Variants in PHF20L1 observed in about 807,000 individuals in gnomAD.
The protein encoded by PHF20L1 is PHD finger protein 20-like protein 1.
Under a neutral mutation model 125.5 loss-of-function variants are expected in PHF20L1, and 44 were observed. The ratio of observed to expected loss-of-function variants is 0.35; its 90% confidence interval spans 0.28 to 0.45. PHF20L1 has a LOEUF of 0.45. Ranked by LOEUF, PHF20L1 falls within the 20% of genes least tolerant of loss-of-function variation. PHF20L1 has a pLI of 1.00. For missense variants in PHF20L1, 1,012 were observed against 1,217.2 expected (o/e 0.83, Z 2.51); for synonymous variants, 380 against 403.1 (o/e 0.94, Z 0.69).
At chr8:132,835,872 A>C (rs1837301632) in intron 15 of PHF20L1, among the ~76,000 whole-genome samples, 1 of 152,138 alleles carries the variant, frequency 6.6e-6, no homozygotes, top group African/African-American at 2.4e-5. Context: ...TAAGTGCTAT[A>C]GTAGTTGATG....
chr8:132,799,889 T>C (rs956771230), intron 6 of PHF20L1: 11 of 151,884 alleles, frequency 7.2e-5, no homozygotes, highest in Admixed American at 7.2e-4. Context: ...AAAATGAAAA[T>C]GCTTTTGATC....
At chr8:132,818,718 C>T (rs953417566) in intron 12 of PHF20L1, 4 of 151,654 alleles carry the variant, frequency 2.6e-5, no homozygotes, top group Admixed American at 2.0e-4. Context: ...TTTTTCTTTT[C>T]CACTTTTCCA....
intron 9 of PHF20L1, 83 bp from the exon 10 acceptor site, chr8:132,814,525 TGTTGCTTAACAATGTTTCTGGATACTAAA>T: frequency 1.5e-6 from 1 of 682,674 alleles, no homozygotes; most frequent in Non-Finnish European, 2.3e-6. Context: ...AAATGTTATA[TGTTGCTTAACAATGTTTCTGGATACTAAA>T]GTTGCTTAAC....
Position 132,789,280 on chromosome 8 carries a change from T to C in PHF20L1, c.84-5130T>C, listed in dbSNP as rs575479867. On this transcript the variant is annotated intron_variant, in intron 2 of 20. Coordinates refer to ENST00000395386, the MANE Select transcript of PHF20L1 (RefSeq NM_016018.5). ...CACTCTCTGAAGAGTCTTGTACAAG[T>C]GGGAGTCATAGTGTTAAAATGACAA... Among the ~76,000 whole-genome samples, 174 of 152,114 alleles carry C rather than the reference T, an allele frequency of 1.1e-3. 1 individual carries two copies. Among genetic ancestry groups the C allele is most frequent in the African/African-American group, 4.1e-3 (169 of 41,512 alleles).
Position 132,829,913 on chromosome 8 carries a change from CAT to C in PHF20L1, c.1745-2320_1745-2319del, listed in dbSNP as rs1224919879. On this transcript the variant is annotated intron_variant, in intron 14 of 20. Transcript: ENST00000395386. ...AAAGAACTGAAAATTGCATTTGGCACATAGAGAGCCCTCAATCAGTGTTGGTT... is the reference window on the plus strand; with the variant it reads ...AAAGAACTGAAAATTGCATTTGGCACAGAGAGCCCTCAATCAGTGTTGGTT... 3.3e-5 allele frequency among the ~76,000 whole-genome samples: 5 copies of C among 152,144 alleles called. No homozygotes were observed. The East Asian group carries it at 5.8e-4, about 18-fold the overall frequency.
intron 2 of PHF20L1, among the ~76,000 whole-genome samples, chr8:132,778,994 C>T (rs1830130039): frequency 1.3e-5 from 2 of 152,188 alleles, no homozygotes; most frequent in Non-Finnish European, 2.9e-5. Flanking sequence ...TTGGCAATGG[C>T]AGGCAGAGAA....
chr8:132,781,294 G>A (rs917452070), intron 2 of PHF20L1, among the ~76,000 whole-genome samples: 2 of 152,180 alleles, frequency 1.3e-5, no homozygotes, highest in Non-Finnish European at 2.9e-5. Flanking sequence ...CTCAGGAAAA[G>A]TATGTTATTA....
At chr8:132,840,903 T>C (rs1837864052) in intron 18 of PHF20L1, among the ~76,000 whole-genome samples, 1 of 152,162 alleles carries the variant, frequency 6.6e-6, no homozygotes, top group African/African-American at 2.4e-5. Flanking sequence ...TTGTCTCTAA[T>C]TGATAGTGTA....
At chr8:132,797,427 G>C (rs1292192572) in intron 4 of PHF20L1, among the ~76,000 whole-genome samples, 3 of 151,986 alleles carry the variant, frequency 2.0e-5, no homozygotes, top group Non-Finnish European at 4.4e-5. Context: ...CTGGGGTTTA[G>C]ATAGACACAG....
chr8:132,825,902 T>G (rs1049996286), intron 14 of PHF20L1, among the ~76,000 whole-genome samples: 9 of 152,022 alleles, frequency 5.9e-5, no homozygotes, highest in African/African-American at 2.2e-4. Flanking sequence ...AGCACTTCCT[T>G]GTCAAGCCCT....
chr8:132,813,879 A>T (rs905808769), intron 9 of PHF20L1, among the ~76,000 whole-genome samples: 1 of 151,906 alleles, frequency 6.6e-6, no homozygotes, highest in Non-Finnish European at 1.5e-5. Context: ...ATTTTTTTTT[A>T]AAAGTATCAG....
Position 132,847,776 on chromosome 8 carries a change from G to T in PHF20L1, c.*1853G>T, listed in dbSNP as rs1838521354. ...CTTTAACTTTGTGAAAGATCTTACTGATAAATGAAAAGCTTTAGCAGAGGT... is the reference window on the plus strand; with the variant it reads ...CTTTAACTTTGTGAAAGATCTTACTTATAAATGAAAAGCTTTAGCAGAGGT... On this transcript the variant is annotated 3_prime_UTR_variant, in exon 21 of 21. Coordinates refer to ENST00000395386, the MANE Select transcript of PHF20L1 (RefSeq NM_016018.5). The T allele has an allele frequency of 6.6e-6, 1 of 152,526 alleles. No individual in the cohort carries two copies. Among genetic ancestry groups the T allele is most frequent in the Admixed American group, 6.6e-5 (1 of 15,264 alleles). The allele number at this position is 152,526 out of a possible 1,614,324, so 9.4% of individuals were successfully genotyped here.
intron 8 of PHF20L1, chr8:132,807,675 C>T (rs753618727): frequency 1.1e-5 from 5 of 451,470 alleles, no homozygotes; most frequent in South Asian, 7.9e-5. Context: ...GTTCCCCTTT[C>T]CCATTCCAGG....
Position 132,842,688 on chromosome 8 carries a change from G to A in PHF20L1, c.2561G>A (p.Gly854Glu). The A allele has an allele frequency of 6.2e-7, 1 of 1,613,236 alleles. No homozygotes were observed. The highest frequency in any genetic ancestry group is 1.7e-5 in the Admixed American group (1 of 59,836). ...CCTCGTTTGCCCCTAAAAATGGAAG[G>A]AACTTATATAACAAGTGAGCATAGC... ...EPPRLPLKME[G>E]TYITSEHSYQ... Residue 854 changes from glycine to glutamate, a missense_variant, in exon 19 of 21, where the codon GGA (glycine) becomes GAA (glutamate). Physicochemically the swap from Gly to Glu is moderately conservative, Grantham distance 98. Transcript: ENST00000395386.
intron 8 of PHF20L1, 26 bp downstream of exon 8, chr8:132,804,766 A>AG (rs761926534): frequency 2.6e-5 from 40 of 1,558,176 alleles, no homozygotes; most frequent in South Asian, 1.9e-4. Flanking sequence ...TTTTTTTTTG[A>AG]GGGGGGGAAA....
chr8:132,845,429 C>T (rs2131969383), intron 20 of PHF20L1, among the ~76,000 whole-genome samples: 1 of 152,002 alleles, frequency 6.6e-6, no homozygotes, highest in East Asian at 1.9e-4. Flanking sequence ...CTGTTGTTAT[C>T]TTATTCCAGA....
chr8:132,800,595 A>G (rs1433550117), intron 6 of PHF20L1, among the ~76,000 whole-genome samples: 1 of 151,792 alleles, frequency 6.6e-6, no homozygotes, highest in Non-Finnish European at 1.5e-5. Context: ...GCTAGCAAAG[A>G]GTAGTGCAAC....
chr8:132,803,600 C>A, intron 6 of PHF20L1: 1 of 483,764 alleles, frequency 2.1e-6, no homozygotes, highest in East Asian at 3.5e-5. Flanking sequence ...ATTGAATATG[C>A]TTCCTATTTT....
chr8:132,834,074 G>T (rs1837079781), intron 15 of PHF20L1, among the ~76,000 whole-genome samples: 1 of 152,100 alleles, frequency 6.6e-6, no homozygotes, highest in Non-Finnish European at 1.5e-5. Context: ...TGGCCACTCA[G>T]TTGGAGCCAT....
Sources: allele counts gnomAD v4.1 joint callset (sites outside exome capture counted in the v4.1 genomes callset), GRCh38; gene constraint gnomAD v4.1.1; transcripts MANE v1.5; gene names NCBI Gene and HGNC (gene_info 2026-07-23, HGNC 2026-07-21).